Variants in CCSER1 observed in about 807,000 individuals in gnomAD.
CCSER1 encodes the protein serine-rich coiled-coil domain-containing protein 1.
Under a neutral mutation model 82.0 loss-of-function variants are expected in CCSER1, and 41 were observed. That is an observed-to-expected ratio of 0.50 (90% confidence interval 0.39 to 0.65). The LOEUF (loss-of-function observed/expected upper bound fraction) is 0.65. CCSER1 is among the 30% of genes least tolerant of loss of function. The pLI, the probability that CCSER1 is intolerant of heterozygous loss-of-function variation, is 0.00. For missense variants in CCSER1, 1,119 were observed against 1,064.2 expected, an observed-to-expected ratio of 1.05 and a Z score of -0.72; for synonymous variants, 414 against 383.9, an observed-to-expected ratio of 1.08 and a Z score of -0.92.
chr4:91,160,998 A>G (rs765173330), intron 10 of CCSER1, among the ~76,000 whole-genome samples: 4 of 152,034 alleles, frequency 2.6e-5, no homozygotes, highest in African/African-American at 7.3e-5. Context: ...CTTGAATGGT[A>G]TTGCCTAGGT....
chr4:91,296,468 TATATATATATA>T (rs1744179255), intron 10 of CCSER1, among the ~76,000 whole-genome samples: 1 of 50,514 alleles, frequency 2.0e-5, no homozygotes, highest in Non-Finnish European at 4.3e-5. Context: ...TATATATATG[TATATATATATA>T]TATATATTTT....
chr4:90,590,528 C>T lies in CCSER1; in HGVS notation c.1725-37497C>T, dbSNP rs192948068. Among the ~76,000 whole-genome samples, 20 of 151,502 alleles carry T rather than the reference C, an allele frequency of 1.3e-4. No individual in the cohort carries two copies. The South Asian group carries it at 2.1e-3, about 16-fold the overall frequency. On this transcript the variant is annotated intron_variant, in intron 5 of 10. Coordinates refer to ENST00000509176, the MANE Select transcript of CCSER1 (RefSeq NM_001145065.2). ...TCAGGAGGCAGAGGTTGCAAAGAGC[C>T]GAGATCGCGCTATTGCACACCATCC...
intron 10 of CCSER1, among the ~76,000 whole-genome samples, chr4:91,415,305 T>C (rs1460344757): frequency 1.3e-5 from 2 of 152,154 alleles, no homozygotes; most frequent in Admixed American, 1.3e-4. Context: ...AACAAGCTTT[T>C]GGGCTGAGTT....
intron 10 of CCSER1, among the ~76,000 whole-genome samples, chr4:91,285,356 A>ATTTTTAC (rs1743204488): frequency 6.6e-6 from 1 of 151,218 alleles, no homozygotes; most frequent in Non-Finnish European, 1.5e-5. Flanking sequence ...TAGAGAAGAT[A>ATTTTTAC]TTTTTACTAG....
chr4:90,218,367 C>T (rs1264157099), intron 1 of CCSER1, among the ~76,000 whole-genome samples: 4 of 152,178 alleles, frequency 2.6e-5, no homozygotes, highest in South Asian at 4.2e-4. Flanking sequence ...GTACTATGTT[C>T]AGCATATGGG....
At chr4:91,579,320 G>A (rs1268624800) in intron 10 of CCSER1, among the ~76,000 whole-genome samples, 2 of 151,352 alleles carry the variant, frequency 1.3e-5, no homozygotes, top group African/African-American at 4.8e-5. Context: ...GACTCCTAGT[G>A]TACCCATCAC....
chr4:91,143,842 A>G (rs1306059707), intron 10 of CCSER1, among the ~76,000 whole-genome samples: 2 of 152,048 alleles, frequency 1.3e-5, no homozygotes, highest in East Asian at 3.9e-4. Context: ...ATTGTGTTGA[A>G]TTAACTGCTT....
intron 10 of CCSER1, among the ~76,000 whole-genome samples, chr4:91,179,237 T>G (rs2149025365): frequency 6.6e-6 from 1 of 152,302 alleles, no homozygotes; most frequent in South Asian, 2.1e-4. Context: ...CCTTAAAATT[T>G]TTTCCTTCAT....
At chr4:91,058,089 G>T (rs1034076773) in intron 9 of CCSER1, among the ~76,000 whole-genome samples, 1 of 152,004 alleles carries the variant, frequency 6.6e-6, no homozygotes, top group African/African-American at 2.4e-5. Context: ...TGTCATGGGG[G>T]TTTTACAGAT....
At chr4:90,985,078 A>T (rs1228772620) in intron 9 of CCSER1, among the ~76,000 whole-genome samples, 2 of 151,618 alleles carry the variant, frequency 1.3e-5, no homozygotes, top group African/African-American at 2.4e-5. Context: ...GTAGCTTTCA[A>T]CCTCTCTCTG....
intron 1 of CCSER1, among the ~76,000 whole-genome samples, chr4:90,141,042 A>ATCTATCTG (rs1240824965): frequency 4.0e-5 from 6 of 151,592 alleles, no homozygotes; most frequent in Non-Finnish European, 5.9e-5. Flanking sequence ...CTATCTATCT[A>ATCTATCTG]TCTATCTATC....
intron 9 of CCSER1, among the ~76,000 whole-genome samples, chr4:91,047,511 C>T (rs1241602072): frequency 6.6e-6 from 1 of 152,116 alleles, no homozygotes; most frequent in Admixed American, 6.6e-5. Context: ...TACCTATTTT[C>T]CCTCCCACTC....
In CCSER1 at chr4:91,503,862, T is replaced by A. The variant is rs556047784; in HGVS notation, c.2218-94710T>A. On this transcript the variant is annotated intron_variant, in intron 10 of 10. Coordinates refer to ENST00000509176, the MANE Select transcript of CCSER1 (RefSeq NM_001145065.2). ...TCCTTAGTGGTTAAATATGGAGACA[T>A]GATTATATTAACTATTTTCAAAAGT... Among the ~76,000 whole-genome samples, 124 of 152,298 alleles carry A rather than the reference T, an allele frequency of 8.1e-4. 1 individual carries two copies. Among genetic ancestry groups the A allele is most frequent in the Admixed American group, 1.2e-3 (18 of 15,286 alleles).
chr4:91,524,486 A>G (rs1276241763), intron 10 of CCSER1, among the ~76,000 whole-genome samples: 1 of 152,210 alleles, frequency 6.6e-6, no homozygotes, highest in Non-Finnish European at 1.5e-5. Flanking sequence ...CTGAACATCT[A>G]TTTGTAACAT....
intron 9 of CCSER1, among the ~76,000 whole-genome samples, chr4:90,927,124 A>T (rs1729167091): frequency 6.6e-6 from 1 of 152,044 alleles, no homozygotes. Flanking sequence ...TTAATTTGAC[A>T]TCTTTATGGA....
At chr4:91,500,366 G>A (rs1017823459) in intron 10 of CCSER1, among the ~76,000 whole-genome samples, 3 of 151,854 alleles carry the variant, frequency 2.0e-5, no homozygotes, top group African/African-American at 7.3e-5. Context: ...ATATATTTTG[G>A]ATAAGTCCTT....
chr4:91,258,494 G>A (rs915770108), intron 10 of CCSER1, among the ~76,000 whole-genome samples: 36 of 151,974 alleles, frequency 2.4e-4, no homozygotes, highest in African/African-American at 8.5e-4. Flanking sequence ...TTGAGTTAGT[G>A]TCAATATTTC....
intron 10 of CCSER1, among the ~76,000 whole-genome samples, chr4:91,105,246 G>A (rs942261093): frequency 2.0e-5 from 3 of 151,480 alleles, no homozygotes; most frequent in Admixed American, 6.6e-5. Flanking sequence ...TATAAATTAG[G>A]GGAGGACATA....
chr4:91,560,060 A>T (rs1195416300), intron 10 of CCSER1, among the ~76,000 whole-genome samples: 1 of 151,518 alleles, frequency 6.6e-6, no homozygotes, highest in East Asian at 1.9e-4. Flanking sequence ...ATAAATAGAT[A>T]AATAGATATT....
Sources: gnomAD v4.1 joint callset for allele counts (sites outside exome capture counted in the v4.1 genomes callset) on GRCh38, gnomAD v4.1.1 for gene constraint, MANE v1.5 for transcripts, NCBI Gene and HGNC (gene_info 2026-07-23, HGNC 2026-07-21) for gene names.